The following ASMT variants were observed in gnomAD, a reference collection of about 807,000 sequenced individuals.
ASMT encodes the protein acetylserotonin O-methyltransferase.
Under a neutral mutation model 41.3 loss-of-function variants are expected in ASMT, and 53 were observed. The observed-to-expected ratio is 1.28, with a 90% CI of 1.03 to 1.61. The LOEUF is 1.61. ASMT is among the 40% of genes most tolerant of loss of function. ASMT has a pLI of 0.00. For missense variants in ASMT, 531 were observed against 441.3 expected (o/e 1.20, Z -1.82); for synonymous variants, 231 against 184.8 (o/e 1.25, Z -2.03).
Position 1,616,003 on chromosome X carries a change from C to T in ASMT, c.69+735C>T, listed in dbSNP as rs188700575. Reference sequence around the variant, plus strand: ...ATCATAGAGGTGAGTTTTGAGGGTTCACCCGTAGAGGAGCAACACCTCATT... The same window carrying T: ...ATCATAGAGGTGAGTTTTGAGGGTTTACCCGTAGAGGAGCAACACCTCATT... On this transcript the variant is annotated intron_variant, in intron 1 of 8. Transcript: ENST00000381241. Among the ~76,000 whole-genome samples the T allele has an allele frequency of 6.8e-4, 103 of 151,912 alleles. 1 individual carries two copies. Among genetic ancestry groups the T allele is most frequent in the African/African-American group, 2.4e-3 (99 of 41,512 alleles).
At chrX:1,642,320 GTC>G (rs2149476449) in intron 8 of ASMT, among the ~76,000 whole-genome samples, 1 of 146,666 alleles carries the variant, frequency 6.8e-6, no homozygotes, top group Admixed American at 7.2e-5. Flanking sequence ...CATCCTGATG[GTC>G]CATGAGGACA....
rs771519572 is a variant in ASMT, at chrX:1,615,670, T to C, written c.69+402T>C. ...ATACAAAATTAGCCAGGCTTGGTGG[T>C]ACATGCCTATAATCCCAGCTACTTG... On this transcript the variant is annotated intron_variant, in intron 1 of 8. Transcript: ENST00000381241. Among the ~76,000 whole-genome samples the C allele has an allele frequency of 1.3e-4, 19 of 151,758 alleles. No individual in the cohort carries two copies. In the South Asian group the frequency reaches 1.3e-3, roughly 10 times the overall value.
intron 8 of ASMT, 174 bp downstream of exon 8, chrX:1,636,734 C>T (rs767181047): frequency 4.5e-6 from 2 of 445,518 alleles, no homozygotes; most frequent in African/African-American, 4.3e-5. Context: ...AATTTCTATT[C>T]TATTGATAAA....
intron 5 of ASMT, among the ~76,000 whole-genome samples, chrX:1,630,198 A>T (rs757169968): frequency 6.6e-6 from 1 of 151,350 alleles, no homozygotes; most frequent in Non-Finnish European, 1.5e-5. Context: ...CAGTGGCATG[A>T]TCTCGGCTCA....
In ASMT at chrX:1,632,756, G is replaced by A. The variant is rs539810105; in HGVS notation, c.615G>A (p.Gln205=). 4.5e-4 allele frequency: 144 copies of A among 318,296 alleles called. 1 individual carries two copies. The highest frequency in any genetic ancestry group is 2.0e-3 in the Middle Eastern group (2 of 986). 19.7% of individuals were successfully genotyped at this position (318,296 alleles called of 1,614,324 possible). The change falls in exon 6 of 9, where the codon CAG becomes CAA. Residue 205 remains glutamine, a synonymous_variant. Coordinates refer to ENST00000381241, the MANE Select transcript of ASMT (RefSeq NM_001171038.2). ...TIILSKLSQG[Q]KTKHRVFSLI... ...TTCTCAGCAAACTATCGCAAGGACA[G>A]AAAACCAAACACCGCGTGTTCTCAC...
At chrX:1,634,511 A>T (rs1428928397) in intron 7 of ASMT, among the ~76,000 whole-genome samples, 3 of 152,138 alleles carry the variant, frequency 2.0e-5, no homozygotes, top group Non-Finnish European at 4.4e-5. Flanking sequence ...GTTAGTACAA[A>T]CTATCCTGGG....
At chrX:1,631,748 CTACTAAAAA>C (rs1454215716) in intron 5 of ASMT, among the ~76,000 whole-genome samples, 1 of 150,886 alleles carries the variant, frequency 6.6e-6, no homozygotes, top group Admixed American at 6.6e-5. Flanking sequence ...AATCCCGTCT[CTACTAAAAA>C]TACAAAAAAA....
At position 1,615,105 on chromosome X, in the gene ASMT, A is replaced by G. The variant is rs1440717481; in HGVS notation, c.-95A>G. On this transcript the variant is annotated 5_prime_UTR_variant, in exon 1 of 9. Transcript: ENST00000381241. ...CAGGGAGAGTCAGGCAGCAGCTGTG[A>G]GCGGGTGGCTCTTCCCCACCTTGCC... 1.1e-5 allele frequency: 12 copies of G among 1,053,226 alleles called. No homozygotes were observed. Among genetic ancestry groups the G allele is most frequent in the Non-Finnish European group, 1.7e-5 (12 of 691,298 alleles). 65.2% of individuals were successfully genotyped at this position (1,053,226 alleles called of 1,614,324 possible). A position where few individuals can be genotyped will look rare whatever the true frequency, so the allele number is the denominator to read the frequency against.
At chrX:1,620,297 G>A (rs1400347943) in intron 1 of ASMT, among the ~76,000 whole-genome samples, 6 of 143,352 alleles carry the variant, frequency 4.2e-5, no homozygotes, top group African/African-American at 1.0e-4. Flanking sequence ...TCAGCCTCCC[G>A]AATAGGTGGG....
Position 1,629,820 on chromosome X carries a change from G to A in ASMT, c.444-1G>A. On this transcript the variant is annotated splice_acceptor_variant, in intron 4 of 8. Transcript: ENST00000381241. LOFTEE classifies it high-confidence loss of function. ...TTGACAAGCGTGGTTTTGCATGCCA[G>A]GTCCGAGGGCGAGCGGCTACAGTTC... is the stretch of plus-strand genomic sequence containing the variant. 1 of 1,613,912 alleles carries A rather than the reference G, an allele frequency of 6.2e-7. No homozygotes were observed. The highest frequency in any genetic ancestry group is 8.5e-7 in the Non-Finnish European group (1 of 1,179,832).
intron 4 of ASMT, among the ~76,000 whole-genome samples, chrX:1,628,747 TCCTCTCTCTTCTTC>T (rs1380632661): frequency 6.6e-6 from 1 of 150,652 alleles, no homozygotes; most frequent in Non-Finnish European, 1.5e-5. Flanking sequence ...CTCTCTTGTC[TCCTCTCTCTTCTTC>T]CCTCTCTCCT....
chrX:1,620,197 A>C (rs1202458816), intron 1 of ASMT, among the ~76,000 whole-genome samples: 1 of 108,786 alleles, frequency 9.2e-6, no homozygotes, highest in South Asian at 3.5e-4. Context: ...TTTGAGACCT[A>C]GTCTCACTCT....
At chrX:1,641,319 A>C (rs1185919270) in intron 8 of ASMT, among the ~76,000 whole-genome samples, 2 of 59,268 alleles carry the variant, frequency 3.4e-5, no homozygotes, top group African/African-American at 6.4e-5. Flanking sequence ...AGGTCCACCC[A>C]TCCTGATGAT....
intron 5 of ASMT, among the ~76,000 whole-genome samples, chrX:1,630,193 GCA>G (rs1306112718): frequency 6.6e-6 from 1 of 151,956 alleles, no homozygotes; most frequent in Admixed American, 6.6e-5. Context: ...CAGTGCAGTG[GCA>G]TGATCTCGGC....
chrX:1,629,105 T>C (rs1204023545), intron 4 of ASMT, among the ~76,000 whole-genome samples: 26 of 150,508 alleles, frequency 1.7e-4, no homozygotes, highest in Admixed American at 1.0e-3. Flanking sequence ...TATGTGTGTA[T>C]ACATGTGTAT....
At chrX:1,625,145 C>G (rs1395437342) in intron 3 of ASMT, among the ~76,000 whole-genome samples, 2 of 148,468 alleles carry the variant, frequency 1.3e-5, no homozygotes, top group Admixed American at 6.8e-5. Flanking sequence ...TGCTCTGTCA[C>G]CCAGGGTGGA....
At position 1,637,133 on chromosome X, in the gene ASMT, C is replaced by G. The variant is rs375804099; in HGVS notation, c.910+573C>G. 4.9e-3 allele frequency among the ~76,000 whole-genome samples: 390 copies of G among 79,650 alleles called. 16 individuals carry two copies. The highest frequency in any genetic ancestry group is 0.019 in the South Asian group (39 of 2,076). 52.3% of individuals were successfully genotyped at this position (79,650 alleles called of 152,430 possible). On this transcript the variant is annotated intron_variant, in intron 8 of 8. Coordinates refer to ENST00000381241, the MANE Select transcript of ASMT (RefSeq NM_001171038.2). The stretch of plus-strand genomic sequence containing the variant: ...CCTGTGAGGTCCACCCATCCTGATG[C>G]TTCACGAGGACGTGGGCACAGCCTC...
rs1190849599 is a variant in ASMT, at chrX:1,625,512, AAG to A, written c.374+1125_374+1126del. On this transcript the variant is annotated intron_variant, in intron 3 of 8. Coordinates refer to ENST00000381241, the MANE Select transcript of ASMT (RefSeq NM_001171038.2). ...TCTGTCTCAGAAAGAAGGAAACAGA[AAG>A]AGAGAGAGAGGGGAGAAGGAAGGAA... 4.7e-4 allele frequency among the ~76,000 whole-genome samples: 60 copies of A among 128,630 alleles called. No individual in the cohort carries two copies. The South Asian group carries it at 0.013, about 27-fold the overall frequency. 84.4% of individuals were successfully genotyped at this position (128,630 alleles called of 152,430 possible).
intron 4 of ASMT, among the ~76,000 whole-genome samples, chrX:1,628,592 C>G (rs1331308193): frequency 6.6e-6 from 1 of 151,296 alleles, no homozygotes; most frequent in Non-Finnish European, 1.5e-5. Context: ...CCTCTCCTCC[C>G]CTGCTCTCCC....
Sources: allele counts gnomAD v4.1 joint callset (sites outside exome capture counted in the v4.1 genomes callset), GRCh38; gene constraint gnomAD v4.1.1; transcripts MANE v1.5; gene names NCBI Gene and HGNC (gene_info 2026-07-23, HGNC 2026-07-21).